The following CADPS variants were observed in gnomAD, a reference collection of about 807,000 sequenced individuals.
CADPS encodes calcium dependent secretion activator.
CADPS carries 57 observed loss-of-function variants against 167.3 expected under a neutral mutation model. The observed-to-expected ratio is 0.34, with a 90% CI of 0.28 to 0.42. CADPS has a LOEUF of 0.42. Ranked by LOEUF, CADPS falls within the 20% of genes least tolerant of loss-of-function variation. The pLI is 1.00. For synonymous variants in CADPS, 676 were observed against 635.3 expected (o/e 1.06, Z -0.96); for missense variants, 1,414 against 1,738.1 (o/e 0.81, Z 3.32).
intron 7 of CADPS, among the ~76,000 whole-genome samples, chr3:62,589,996 C>A (rs1016519835): frequency 1.3e-5 from 2 of 152,072 alleles, no homozygotes; most frequent in Non-Finnish European, 2.9e-5. Flanking sequence ...TCAGACCAGC[C>A]TGACCAACAT....
chr3:62,826,028 T>G (rs2073978528), intron 1 of CADPS, among the ~76,000 whole-genome samples: 1 of 152,162 alleles, frequency 6.6e-6, no homozygotes, highest in Non-Finnish European at 1.5e-5. Flanking sequence ...GACTTATAAA[T>G]AACTGAAAAA....
chr3:62,690,030 T>C (rs565046120), intron 3 of CADPS, among the ~76,000 whole-genome samples: 6 of 152,092 alleles, frequency 3.9e-5, no homozygotes, highest in South Asian at 2.1e-4. Flanking sequence ...GATTCTTCTC[T>C]GGACTAGAGT....
In CADPS at chr3:62,518,333, C is replaced by T. The variant is rs2069509535; in HGVS notation, c.2292-83G>A. On this transcript the variant is annotated intron_variant, in intron 13 of 29. Transcript: ENST00000383710. ...AAATCTCTAGCAGGAGGAAACTGTC[C>T]ATTTTAGAAGAAACAACTACAGTGA... is the stretch of plus-strand genomic sequence containing the variant. 1.3e-5 allele frequency: 13 copies of T among 1,038,608 alleles called. 1 individual carries two copies. The East Asian group carries it at 2.9e-4, about 23-fold the overall frequency. The allele number at this position is 1,038,608 out of a possible 1,614,324, so 64.3% of individuals were successfully genotyped here. A position where few individuals can be genotyped will look rare whatever the true frequency, so the allele number is the denominator to read the frequency against.
At chr3:62,635,322 C>T (rs752315333) in intron 6 of CADPS, among the ~76,000 whole-genome samples, 25 of 152,108 alleles carry the variant, frequency 1.6e-4, no homozygotes, top group Non-Finnish European at 3.5e-4. Context: ...TCTAATAGTC[C>T]TCAATGATTG....
chr3:62,836,452 C>T (rs1269075090), intron 1 of CADPS, among the ~76,000 whole-genome samples: 1 of 152,038 alleles, frequency 6.6e-6, no homozygotes, highest in Non-Finnish European at 1.5e-5. Context: ...AAAAGGACCA[C>T]AAAAGGAAGG....
intron 1 of CADPS, among the ~76,000 whole-genome samples, chr3:62,865,623 TTAAAA>T (rs1323167090): frequency 1.3e-5 from 2 of 152,016 alleles, no homozygotes; most frequent in South Asian, 2.1e-4. Flanking sequence ...TTCCCACTTG[TTAAAA>T]TAAAAGGAAT....
intron 6 of CADPS, among the ~76,000 whole-genome samples, chr3:62,640,254 A>T (rs1038025582): frequency 1.3e-5 from 2 of 152,176 alleles, no homozygotes; most frequent in African/African-American, 4.8e-5. Flanking sequence ...TACACAGAAA[A>T]CATTTTGCTT....
chr3:62,549,836 T>G, intron 11 of CADPS, 67 bp downstream of exon 11: 3 of 1,245,246 alleles, frequency 2.4e-6, no homozygotes, highest in South Asian at 2.7e-5. Context: ...CTAGGTTTTC[T>G]AATTCAACTT....
At chr3:62,597,447 T>C (rs1380305293) in intron 6 of CADPS, among the ~76,000 whole-genome samples, 1 of 151,908 alleles carries the variant, frequency 6.6e-6, no homozygotes, top group African/African-American at 2.4e-5. Context: ...ACCAAAAGAG[T>C]TCTGAAATGA....
chr3:62,807,867 TTTTC>T (rs201941065), intron 1 of CADPS, among the ~76,000 whole-genome samples: 10,867 of 151,718 alleles, frequency 0.072, 1,274 homozygotes, highest in African/African-American at 0.25. Flanking sequence ...GGTATTTCTT[TTTTC>T]TTTCTTTCTT....
At chr3:62,426,318 T>A (rs1005189016) in intron 28 of CADPS, among the ~76,000 whole-genome samples, 1 of 152,102 alleles carries the variant, frequency 6.6e-6, no homozygotes, top group Admixed American at 6.6e-5. Flanking sequence ...GCTCAGCTAA[T>A]TTTTGTATTT....
chr3:62,571,772 C>A (rs1291728902), intron 8 of CADPS, among the ~76,000 whole-genome samples: 1 of 152,176 alleles, frequency 6.6e-6, no homozygotes, highest in African/African-American at 2.4e-5. Flanking sequence ...CCATGTTGGT[C>A]AGGCTGGTCT....
At chr3:62,498,047 C>G (rs2065106158) in intron 18 of CADPS, 1 of 451,634 alleles carries the variant, frequency 2.2e-6, no homozygotes, top group African/African-American at 2.0e-5. Flanking sequence ...TGTTAGAAAG[C>G]AGGAGCACCA....
chr3:62,524,717 T>C (rs1242598996), intron 13 of CADPS, among the ~76,000 whole-genome samples: 2 of 152,134 alleles, frequency 1.3e-5, no homozygotes, highest in African/African-American at 4.8e-5. Context: ...TCACAAAGAA[T>C]ATGGATGCTA....
At chr3:62,657,768 T>C (rs1431460660) in intron 4 of CADPS, among the ~76,000 whole-genome samples, 1 of 152,034 alleles carries the variant, frequency 6.6e-6, no homozygotes, top group Non-Finnish European at 1.5e-5. Context: ...CACTGCAAGG[T>C]TGTGGGTAAG....
chr3:62,633,848 A>AG (rs2065764043), intron 6 of CADPS, among the ~76,000 whole-genome samples: 1 of 152,178 alleles, frequency 6.6e-6, no homozygotes, highest in Non-Finnish European at 1.5e-5. Context: ...TAAACTTCTG[A>AG]GGGTACAAGA....
intron 13 of CADPS, among the ~76,000 whole-genome samples, chr3:62,529,447 G>A (rs1016430463): frequency 6.6e-6 from 1 of 152,180 alleles, no homozygotes; most frequent in Non-Finnish European, 1.5e-5. Flanking sequence ...AGCCAGGAAG[G>A]CTTCCTCTCC....
chr3:62,775,079 TC>T (rs2089942374), intron 1 of CADPS, among the ~76,000 whole-genome samples: 1 of 152,016 alleles, frequency 6.6e-6, no homozygotes, highest in South Asian at 2.1e-4. Context: ...ACTCTGTCAC[TC>T]AGGCTGGAGT....
At chr3:62,425,784 G>A (rs1166650913) in intron 28 of CADPS, among the ~76,000 whole-genome samples, 1 of 152,180 alleles carries the variant, frequency 6.6e-6, no homozygotes, top group Non-Finnish European at 1.5e-5. Context: ...TAAGGCTAAT[G>A]AAGATACAGT....
Sources: gnomAD v4.1 joint callset for allele counts (sites outside exome capture counted in the v4.1 genomes callset) on GRCh38, gnomAD v4.1.1 for gene constraint, MANE v1.5 for transcripts, NCBI Gene and HGNC (gene_info 2026-07-23, HGNC 2026-07-21) for gene names.